The following TSGA13 variants were observed in gnomAD, a reference collection of about 807,000 sequenced individuals.
TSGA13 encodes the protein testis-specific gene 13 protein.
A neutral mutation model predicts 35.1 loss-of-function variants in TSGA13; 37 were observed. The observed-to-expected ratio is 1.05, with a 90% CI of 0.81 to 1.39. The LOEUF (loss-of-function observed/expected upper bound fraction) is 1.39, where lower values mean the gene tolerates loss of function less well. Ranked by LOEUF, TSGA13 falls within the 40% of genes most tolerant of loss-of-function variation. The pLI, the probability that TSGA13 is intolerant of heterozygous loss-of-function variation, is 0.00. For synonymous variants in TSGA13, 124 were observed against 121.2 expected (o/e 1.02, Z -0.15); for missense variants, 338 against 328.5 (o/e 1.03, Z -0.22).
At chr7:130,678,161 A>G (rs962502513) in intron 5 of TSGA13, among the ~76,000 whole-genome samples, 23 of 151,894 alleles carry the variant, frequency 1.5e-4, no homozygotes, top group South Asian at 4.2e-4. Context: ...GGTGGATCAC[A>G]AGGTCAGAAG....
Position 130,671,654 on chromosome 7 carries a change from A to C in TSGA13, c.658+7T>G. 6.4e-7 allele frequency: 1 copy of C among 1,562,470 alleles called. No homozygotes were observed. The highest frequency in any genetic ancestry group is 8.7e-7 in the Non-Finnish European group (1 of 1,148,922). ...GTAAGCCTTTGCTTTGAAAGAGAGG[A>C]GCTTACCATCTTTCCTCATATCTCT... On this transcript the variant is annotated splice_region_variant and intron_variant, in intron 7 of 7. Coordinates refer to ENST00000356588, the MANE Select transcript of TSGA13 (RefSeq NM_052933.4).
At position 130,682,884 on chromosome 7, in the gene TSGA13, T is replaced by C. The variant is rs782290632; in HGVS notation, c.102+710A>G. The stretch of plus-strand genomic sequence containing the variant: ...ATCCAAAGACTCAATCATTTAATTT[T>C]TTACCACCTTATGGAAAACTAAAGT... On this transcript the variant is annotated intron_variant, in intron 3 of 7. Transcript: ENST00000356588. 7.2e-4 allele frequency among the ~76,000 whole-genome samples: 109 copies of C among 152,192 alleles called. 1 individual carries two copies. Among genetic ancestry groups the C allele is most frequent in the Admixed American group, 2.1e-3 (32 of 15,280 alleles).
rs1158450420 is a variant in TSGA13 at position 130,668,887 on chromosome 7, G to C, written c.*127C>G. 1.1e-5 allele frequency: 16 copies of C among 1,424,922 alleles called. No homozygotes were observed. Among genetic ancestry groups the C allele is most frequent in the Non-Finnish European group, 1.2e-5 (13 of 1,061,850 alleles). 88.3% of individuals were successfully genotyped at this position (1,424,922 alleles called of 1,614,324 possible). A position where few individuals can be genotyped will look rare whatever the true frequency, so the allele number is the denominator to read the frequency against. ...TGCGGCCCGCCGGAGACTTCGGCTC[G>C]ACCCTCCCGGCTTGCGACCCGGGAG... On this transcript the variant is annotated 3_prime_UTR_variant, in exon 8 of 8. Coordinates refer to ENST00000356588, the MANE Select transcript of TSGA13 (RefSeq NM_052933.4).
At chr7:130,675,208 A>G (rs1796382242) in intron 5 of TSGA13, among the ~76,000 whole-genome samples, 1 of 148,440 alleles carries the variant, frequency 6.7e-6, no homozygotes, top group Non-Finnish European at 1.5e-5. Context: ...CCTCACCTTT[A>G]CTCCATAAAT....
chr7:130,681,520 T>G (rs1796545181), intron 3 of TSGA13, among the ~76,000 whole-genome samples: 1 of 151,778 alleles, frequency 6.6e-6, no homozygotes, highest in Non-Finnish European at 1.5e-5. Context: ...GCCGACCTAC[T>G]CACAGAGAAA....
intron 3 of TSGA13, 40 bp from the exon 4 acceptor site, chr7:130,681,057 C>T: frequency 6.4e-7 from 1 of 1,558,966 alleles, no homozygotes; most frequent in Non-Finnish European, 8.8e-7. Context: ...GAAGTTGCAC[C>T]TATCCTAAAC....
chr7:130,680,781 C>T (rs1199245508), intron 4 of TSGA13, among the ~76,000 whole-genome samples, 165 bp downstream of exon 4: 1 of 152,182 alleles, frequency 6.6e-6, no homozygotes, highest in African/African-American at 2.4e-5. Context: ...TCAGCACTGC[C>T]TCTGGCATCA....
At chr7:130,680,193 C>A (rs1796511247) in intron 4 of TSGA13, among the ~76,000 whole-genome samples, 2 of 152,200 alleles carry the variant, frequency 1.3e-5, no homozygotes. Context: ...TTGACATGCA[C>A]TCACAAGCAC....
intron 3 of TSGA13, among the ~76,000 whole-genome samples, chr7:130,682,245 G>A (rs1796565283): frequency 1.3e-5 from 2 of 152,068 alleles, no homozygotes; most frequent in African/African-American, 4.8e-5. Context: ...TCAGCCTCCT[G>A]AGTAGCTGGG....
At chr7:130,681,697 G>T (rs1796550986) in intron 3 of TSGA13, among the ~76,000 whole-genome samples, 1 of 151,942 alleles carries the variant, frequency 6.6e-6, no homozygotes, top group African/African-American at 2.4e-5. Context: ...GATGTTAGTG[G>T]ATTATTTGAG....
chr7:130,668,863 G>C lies in TSGA13; in HGVS notation c.*151C>G, dbSNP rs1796170649. On this transcript the variant is annotated 3_prime_UTR_variant, in exon 8 of 8. Coordinates refer to ENST00000356588, the MANE Select transcript of TSGA13 (RefSeq NM_052933.4). Reference sequence around the variant, plus strand: ...CGCAGCCACGCCCCCTTCTCCTCTTGCGGCCCGCCGGAGACTTCGGCTCGA... The same window carrying C: ...CGCAGCCACGCCCCCTTCTCCTCTTCCGGCCCGCCGGAGACTTCGGCTCGA... 5.9e-6 allele frequency: 8 copies of C among 1,365,080 alleles called. No individual in the cohort carries two copies. In the East Asian group the frequency reaches 2.0e-4, roughly 34 times the overall value. The allele number at this position is 1,365,080 out of a possible 1,614,324, so 84.6% of individuals were successfully genotyped here.
Position 130,671,671 on chromosome 7 carries a change from C to T in TSGA13, c.648G>A (p.Met216Ile). Residue 216 changes from methionine to isoleucine, a missense_variant, in exon 7 of 8, where the codon ATG becomes ATA. Transcript: ENST00000356588. ...LTFAPVHERD[M>I]RKDASKKSAS... ...AAGAGAGGAGCTTACCATCTTTCCT[C>T]ATATCTCTCTCATGGACTGGAGCAA... 1 of 1,580,172 alleles carries T rather than the reference C, an allele frequency of 6.3e-7. No homozygotes were observed. The highest frequency in any genetic ancestry group is 8.6e-7 in the Non-Finnish European group (1 of 1,159,128).
chr7:130,683,574 C>A lies in TSGA13; in HGVS notation c.102+20G>T. On this transcript the variant is annotated intron_variant, in intron 3 of 7. Coordinates refer to ENST00000356588, the MANE Select transcript of TSGA13 (RefSeq NM_052933.4). ...CTCCAAAGAAAAATTAAACATTGAA[C>A]ACTTACTAACACTCCTTACCTCTTT... 1 of 1,605,140 alleles carries A rather than the reference C, an allele frequency of 6.2e-7. No individual in the cohort carries two copies. Among genetic ancestry groups the A allele is most frequent in the Admixed American group, 1.7e-5 (1 of 58,154 alleles).
intron 1 of TSGA13, 44 bp from the exon 2 acceptor site, chr7:130,685,404 G>GCTATTGTAGA: frequency 1.5e-6 from 2 of 1,342,076 alleles, no homozygotes; most frequent in Non-Finnish European, 1.9e-6. Context: ...TATTGTAGAT[G>GCTATTGTAGA]TAGAAAATGC....
At chr7:130,674,009 C>T (rs377727634) in intron 5 of TSGA13, among the ~76,000 whole-genome samples, 1 of 151,552 alleles carries the variant, frequency 6.6e-6, no homozygotes, top group African/African-American at 2.4e-5. Context: ...GCAGGAGAAT[C>T]GCTTGAACCC....
chr7:130,668,919 C>T lies in TSGA13; in HGVS notation c.*95G>A. 3 of 1,504,148 alleles carry T rather than the reference C, an allele frequency of 2.0e-6. No individual in the cohort carries two copies. The highest frequency in any genetic ancestry group is 2.7e-6 in the Non-Finnish European group (3 of 1,123,272). The allele number at this position is 1,504,148 out of a possible 1,614,324, so 93.2% of individuals were successfully genotyped here. A position where few individuals can be genotyped will look rare whatever the true frequency, so the allele number is the denominator to read the frequency against. ...CCGGCTTGCGACCCGGGAGCCCACGCCCGCAGCAGCAGGAATGTGGTTTTA... is the reference window on the plus strand; with the variant it reads ...CCGGCTTGCGACCCGGGAGCCCACGTCCGCAGCAGCAGGAATGTGGTTTTA... On this transcript the variant is annotated 3_prime_UTR_variant, in exon 8 of 8. Transcript: ENST00000356588.
chr7:130,682,786 G>A (rs1796578291), intron 3 of TSGA13, among the ~76,000 whole-genome samples: 1 of 152,170 alleles, frequency 6.6e-6, no homozygotes, highest in Admixed American at 6.5e-5. Context: ...AGAAGGAGCG[G>A]GAAGAAGCAT....
chr7:130,677,869 C>A (rs1439025284), intron 5 of TSGA13, among the ~76,000 whole-genome samples: 1 of 152,214 alleles, frequency 6.6e-6, no homozygotes, highest in Non-Finnish European at 1.5e-5. Flanking sequence ...AACAGAAATA[C>A]TGTATTCTAC....
At chr7:130,673,538 A>T (rs1796333807) in intron 5 of TSGA13, among the ~76,000 whole-genome samples, 1 of 152,228 alleles carries the variant, frequency 6.6e-6, no homozygotes, top group Non-Finnish European at 1.5e-5. Context: ...AGAAGGAACA[A>T]ATCTAGTCCT....
Sources: gnomAD v4.1 joint callset for allele counts (sites outside exome capture counted in the v4.1 genomes callset) on GRCh38, gnomAD v4.1.1 for gene constraint, MANE v1.5 for transcripts, NCBI Gene and HGNC (gene_info 2026-07-23, HGNC 2026-07-21) for gene names.